The following SHROOM3 variants were observed in gnomAD, a reference collection of about 807,000 sequenced individuals.
SHROOM3 encodes protein Shroom3.
SHROOM3 carries 47 observed loss-of-function variants against 138.6 expected under a neutral mutation model. The ratio of observed to expected loss-of-function variants is 0.34; its 90% CI spans 0.27 to 0.43. The LOEUF (loss-of-function observed/expected upper bound fraction) is 0.43. Among genes scored for constraint, SHROOM3 ranks in the 20% least tolerant of loss-of-function variants. The pLI, the probability that SHROOM3 is intolerant of heterozygous loss-of-function variation, is 1.00. For missense variants in SHROOM3, 2,491 were observed against 2,596.5 expected (o/e 0.96, Z 0.88); for synonymous variants, 1,062 against 1,063.3 (o/e 1.00, Z 0.02).
intron 1 of SHROOM3, among the ~76,000 whole-genome samples, chr4:76,458,265 C>T (rs1195282462): frequency 6.6e-6 from 1 of 152,144 alleles, no homozygotes; most frequent in Non-Finnish European, 1.5e-5. Context: ...TATTTACTTA[C>T]ATGTTTAAAT....
chr4:76,681,594 G>GGTGTGTGTGTGTGTGTGTGTGT lies in SHROOM3; in HGVS notation c.324-28543_324-28522dup, dbSNP rs558707266. 1.6e-3 allele frequency among the ~76,000 whole-genome samples: 126 copies of GGTGTGTGTGTGTGTGTGTGTGT among 80,962 alleles called. 1 individual carries two copies. Among genetic ancestry groups the GGTGTGTGTGTGTGTGTGTGTGT allele is most frequent in the East Asian group, 5.2e-3 (8 of 1,542 alleles). The allele number at this position is 80,962 out of a possible 152,430, so 53.1% of individuals were successfully genotyped here. On this transcript the variant is annotated intron_variant, in intron 2 of 10. Coordinates refer to ENST00000296043, the MANE Select transcript of SHROOM3 (RefSeq NM_020859.4). ...TGTAAGAAGCTTAGGCAGAGTCTAG[G>GGTGTGTGTGTGTGTGTGTGTGT]GTGTGTGTGTGTGTGTGTGTGTGTG...
chr4:76,465,174 ATATGTCTACATATG>A (rs1224374124), intron 1 of SHROOM3, among the ~76,000 whole-genome samples: 1 of 152,256 alleles, frequency 6.6e-6, no homozygotes, highest in Non-Finnish European at 1.5e-5. Context: ...GAGAGCTAGC[ATATGTCTACATATG>A]TATGTATGCA....
chr4:76,478,723 G>A (rs981423756), intron 1 of SHROOM3, among the ~76,000 whole-genome samples: 36 of 152,134 alleles, frequency 2.4e-4, no homozygotes, highest in South Asian at 2.1e-4. Flanking sequence ...ACCTCATATA[G>A]GAGAGCTCCG....
intron 1 of SHROOM3, among the ~76,000 whole-genome samples, chr4:76,512,595 T>C (rs1255603863): frequency 1.3e-5 from 2 of 152,152 alleles, no homozygotes; most frequent in African/African-American, 4.8e-5. Flanking sequence ...TGTTTTAACC[T>C]TTAAACTGGT....
intron 3 of SHROOM3, among the ~76,000 whole-genome samples, chr4:76,723,881 C>G (rs1478020285): frequency 2.0e-5 from 3 of 152,212 alleles, no homozygotes; most frequent in Non-Finnish European, 4.4e-5. Flanking sequence ...GAATGATGCT[C>G]TGACTTTGTT....
chr4:76,671,147 T>A (rs1358653520), intron 2 of SHROOM3, among the ~76,000 whole-genome samples: 1 of 152,160 alleles, frequency 6.6e-6, no homozygotes, highest in Non-Finnish European at 1.5e-5. Context: ...GCTTGAGGTA[T>A]AGTAAACAAA....
Position 76,780,439 on chromosome 4 carries a change from C to T in SHROOM3, c.*1262C>T, listed in dbSNP as rs184467415. ...TGCTAGAGGTAGATTTGTTTTTTCACGTTTGATCTGTGGCTGGTGGCCACC... is the reference window on the plus strand; with the variant it reads ...TGCTAGAGGTAGATTTGTTTTTTCATGTTTGATCTGTGGCTGGTGGCCACC... On this transcript the variant is annotated 3_prime_UTR_variant, in exon 11 of 11. Coordinates refer to ENST00000296043, the MANE Select transcript of SHROOM3 (RefSeq NM_020859.4). The T allele has an allele frequency of 4.0e-5, 6 of 151,610 alleles. No individual in the cohort carries two copies. Among genetic ancestry groups the T allele is most frequent in the Admixed American group, 3.3e-4 (5 of 15,206 alleles). 9.4% of individuals were successfully genotyped at this position (151,610 alleles called of 1,614,324 possible).
intron 2 of SHROOM3, among the ~76,000 whole-genome samples, chr4:76,574,666 T>C (rs1733902215): frequency 6.6e-6 from 1 of 152,198 alleles, no homozygotes. Context: ...TTCTGATATA[T>C]GCTACAACAT....
At chr4:76,443,207 T>C (rs1730733588) in intron 1 of SHROOM3, among the ~76,000 whole-genome samples, 1 of 152,246 alleles carries the variant, frequency 6.6e-6, no homozygotes, top group African/African-American at 2.4e-5. Context: ...TGATATTTCC[T>C]ATCAATGTTG....
rs184113265 is a variant in SHROOM3, at chr4:76,607,005, G to A, written c.323+51242G>A. On this transcript the variant is annotated intron_variant, in intron 2 of 10. Transcript: ENST00000296043. ...CAGTGTGTTCAAAAACTGTGTGTGT[G>A]TGTGTGTCATATTTATATGTATGTG... 1.5e-3 allele frequency among the ~76,000 whole-genome samples: 228 copies of A among 152,174 alleles called. 1 individual carries two copies. Among genetic ancestry groups the A allele is most frequent in the African/African-American group, 5.3e-3 (219 of 41,510 alleles).
chr4:76,682,358 C>A (rs1181266978), intron 2 of SHROOM3, among the ~76,000 whole-genome samples: 2 of 152,172 alleles, frequency 1.3e-5, no homozygotes, highest in Non-Finnish European at 1.5e-5. Flanking sequence ...TTACCATTTT[C>A]ACAGAGGAAA....
chr4:76,560,493 C>T (rs564278049), intron 2 of SHROOM3, among the ~76,000 whole-genome samples: 2 of 152,270 alleles, frequency 1.3e-5, no homozygotes, highest in East Asian at 1.9e-4. Context: ...TCCTTAATCC[C>T]AATTCTGATC....
rs572724347 is a variant in SHROOM3, at chr4:76,452,617, G to A, written c.168+16397G>A. Among the ~76,000 whole-genome samples the A allele has an allele frequency of 9.2e-5, 14 of 152,288 alleles. 1 individual carries two copies. The South Asian group carries it at 2.9e-3, about 32-fold the overall frequency. On this transcript the variant is annotated intron_variant, in intron 1 of 10. Transcript: ENST00000296043. ...ATTCCATTGTATCTGTATACCATATGTTGTTTATTCATTTATCCATTGATG... is the reference window on the plus strand; with the variant it reads ...ATTCCATTGTATCTGTATACCATATATTGTTTATTCATTTATCCATTGATG...
At chr4:76,626,447 A>AC (rs1462578245) in intron 2 of SHROOM3, among the ~76,000 whole-genome samples, 2 of 152,184 alleles carry the variant, frequency 1.3e-5, no homozygotes, top group African/African-American at 4.8e-5. Flanking sequence ...TTAAATACAT[A>AC]CCCATTGTCT....
chr4:76,525,038 C>T (rs975870506), intron 1 of SHROOM3, among the ~76,000 whole-genome samples: 4 of 152,194 alleles, frequency 2.6e-5, no homozygotes, highest in African/African-American at 9.6e-5. Context: ...TAACATTTTA[C>T]ATTCCCACCA....
At chr4:76,540,074 C>T (rs918971321) in intron 1 of SHROOM3, among the ~76,000 whole-genome samples, 1 of 152,194 alleles carries the variant, frequency 6.6e-6, no homozygotes, top group South Asian at 2.1e-4. Context: ...TCTTGAACTC[C>T]TGACCTGAGG....
intron 2 of SHROOM3, among the ~76,000 whole-genome samples, chr4:76,690,640 C>A (rs1024662793): frequency 2.6e-5 from 4 of 152,152 alleles, no homozygotes; most frequent in South Asian, 2.1e-4. Flanking sequence ...ATCTTTCCCC[C>A]AAAAAATTTC....
intron 1 of SHROOM3, among the ~76,000 whole-genome samples, chr4:76,528,599 G>A (rs1325102028): frequency 1.4e-5 from 2 of 141,344 alleles, no homozygotes; most frequent in African/African-American, 5.3e-5. Flanking sequence ...AGGCTGGAGT[G>A]CAATGGCACA....
intron 2 of SHROOM3, among the ~76,000 whole-genome samples, chr4:76,577,493 G>T (rs1733965430): frequency 6.6e-6 from 1 of 152,134 alleles, no homozygotes; most frequent in South Asian, 2.1e-4. Flanking sequence ...GACTGGTATT[G>T]GAAGATGGTG....
Sources: gnomAD v4.1 joint callset for allele counts (sites outside exome capture counted in the v4.1 genomes callset) on GRCh38, gnomAD v4.1.1 for gene constraint, MANE v1.5 for transcripts, NCBI Gene and HGNC (gene_info 2026-07-23, HGNC 2026-07-21) for gene names.